MYH10: variants seen among roughly 807,000 people sequenced by gnomAD.
MYH10 encodes myosin heavy chain 10, also known as myosin-10.
A neutral mutation model predicts 257.8 loss-of-function variants in MYH10; 55 were observed. The observed-to-expected ratio is 0.21, with a 90% CI of 0.17 to 0.27. The LOEUF (loss-of-function observed/expected upper bound fraction) is 0.27. Ranked by LOEUF, MYH10 falls within the 10% of genes least tolerant of loss-of-function variation. MYH10 has a pLI of 1.00. For synonymous variants in MYH10, 854 were observed against 921.7 expected (o/e 0.93, Z 1.33); for missense variants, 1,631 against 2,500.6 (o/e 0.65, Z 7.42).
intron 16 of MYH10, among the ~76,000 whole-genome samples, chr17:8,533,826 AG>A (rs1273553116): frequency 6.6e-6 from 1 of 152,166 alleles, no homozygotes; most frequent in African/African-American, 2.4e-5. Context: ...AGACCTTACA[AG>A]GGTATCCAGA....
At chr17:8,612,599 G>A (rs12944908) in intron 2 of MYH10, among the ~76,000 whole-genome samples, 4 of 151,744 alleles carry the variant, frequency 2.6e-5, no homozygotes, top group South Asian at 4.2e-4. Context: ...ACCTGTAATC[G>A]CAGCACTTTG....
chr17:8,535,621 G>A lies in MYH10; in HGVS notation c.1780-120C>T. On this transcript the variant is annotated intron_variant, in intron 15 of 42. Transcript: ENST00000360416. The surrounding 1 kb of genome is among the most constrained non-coding windows in gnomAD (Gnocchi z 4.3). ...CAACAGTCCCCAAAATGGGCTGTCT[G>A]AAAGACAATATGTTTGTAATATATA... 8.1e-7 allele frequency: 1 copy of A among 1,231,518 alleles called. No individual in the cohort carries two copies. The highest frequency in any genetic ancestry group is 1.9e-4 in the Middle Eastern group (1 of 5,136). The allele number at this position is 1,231,518 out of a possible 1,614,324, so 76.3% of individuals were successfully genotyped here.
intron 7 of MYH10, chr17:8,561,291 T>C: frequency 9.4e-7 from 1 of 1,062,002 alleles, no homozygotes; most frequent in Non-Finnish European, 1.4e-6. Context: ...GTGCAGGCTA[T>C]TCGCTGCACT....
rs35801623 is a variant in MYH10, at chr17:8,614,307, C to CTTTTTTTTTT, written c.345+8585_345+8594dup. 7.9e-4 allele frequency among the ~76,000 whole-genome samples: 61 copies of CTTTTTTTTTT among 77,128 alleles called. 7 individuals are homozygous for CTTTTTTTTTT. The highest frequency in any genetic ancestry group is 1.6e-3 in the East Asian group (4 of 2,568). The allele number at this position is 77,128 out of a possible 152,430, so 50.6% of individuals were successfully genotyped here. On this transcript the variant is annotated intron_variant, in intron 2 of 42. Coordinates refer to ENST00000360416, the MANE Select transcript of MYH10 (RefSeq NM_001256012.3). ...GATTTAGAAAGTAAGCAATTCACTT[C>CTTTTTTTTTT]TTTTTTTTTTTTTTTTTTTTTTTTT...
In MYH10 at chr17:8,484,232, T is replaced by G. The variant is rs373565183; in HGVS notation, c.5081A>C (p.Glu1694Ala). The G allele has an allele frequency of 5.6e-6, 9 of 1,612,916 alleles. No individual in the cohort carries two copies. Among genetic ancestry groups the G allele is most frequent in the South Asian group, 3.3e-5 (3 of 90,822 alleles). ...QMKDYQRELE[E>A]ARASRDEIFA... is the part of the protein sequence containing the mutation. Reference sequence around the variant, plus strand: ...AATCTCATCTCTGGATGCACGAGCTTCTTCTAATTCACGTTGGTAATCCTT... The same window carrying G: ...AATCTCATCTCTGGATGCACGAGCTGCTTCTAATTCACGTTGGTAATCCTT... The change falls in exon 37 of 43, where the codon GAA becomes GCA. Residue 1694 changes from glutamate to alanine, a missense_variant. Physicochemically the swap from Glu to Ala is moderately radical, Grantham distance 107. Around this residue, in one of 11 missense-constraint regions of MYH10, gnomAD observed 463 missense variants for 621.8 expected, o/e 0.74. Transcript: ENST00000360416.
In MYH10 at chr17:8,569,948, G is replaced by T; in HGVS notation, c.664-136C>A. 1 of 616,648 alleles carries T rather than the reference G, an allele frequency of 1.6e-6. No individual in the cohort carries two copies. Among genetic ancestry groups the T allele is most frequent in the Non-Finnish European group, 2.6e-6 (1 of 378,830 alleles). 38.2% of individuals were successfully genotyped at this position (616,648 alleles called of 1,614,324 possible). On this transcript the variant is annotated intron_variant, in intron 6 of 42. Coordinates refer to ENST00000360416, the MANE Select transcript of MYH10 (RefSeq NM_001256012.3). This position sits in a 1 kb window ranked among gnomAD's most constrained non-coding sequence, Gnocchi z 4.1. ...GTTCTTTCATTCTGTCTGCCATCCA[G>T]CAACTTTTGTTGGCTTCTTAATCCT...
chr17:8,500,802 A>G, intron 29 of MYH10, 24 bp downstream of exon 29: 1 of 1,607,168 alleles, frequency 6.2e-7, no homozygotes, highest in Non-Finnish European at 8.5e-7. Flanking sequence ...TCCAGGCCAC[A>G]GCACACGGCA....
At chr17:8,531,433 T>A (rs978157782) in intron 16 of MYH10, among the ~76,000 whole-genome samples, 1 of 151,910 alleles carries the variant, frequency 6.6e-6, no homozygotes, top group Non-Finnish European at 1.5e-5. Context: ...ACAACATCTT[T>A]TAGCAAAAAG....
Position 8,504,797 on chromosome 17 carries a change from T to C in MYH10, c.3496A>G (p.Asn1166Asp). ...EDFESEKASR[N>D]KAEKQKRDLS... ...TCCCTTTTCTGCTTTTCGGCCTTGT[T>C]CCGTGAAGCCTTCTCGGATTCAAAG... Residue 1166 changes from asparagine to aspartate, a missense_variant, in exon 28 of 43, where the codon AAC (asparagine) becomes GAC (aspartate). This residue lies in a region of MYH10 where 169 missense variants were observed against 249.8 expected (regional missense o/e 0.68). Coordinates refer to ENST00000360416, the MANE Select transcript of MYH10 (RefSeq NM_001256012.3). The surrounding 1 kb of genome is among the most constrained non-coding windows in gnomAD (Gnocchi z 5.6). 6.2e-7 allele frequency: 1 copy of C among 1,614,202 alleles called. No individual in the cohort carries two copies. Among genetic ancestry groups the C allele is most frequent in the Non-Finnish European group, 8.5e-7 (1 of 1,180,038 alleles).
intron 4 of MYH10, among the ~76,000 whole-genome samples, chr17:8,585,306 A>ATATATATATATATATATATATATATG (rs1555610517): frequency 1.4e-5 from 2 of 141,032 alleles, no homozygotes; most frequent in African/African-American, 5.2e-5. Flanking sequence ...ATATATATAT[A>ATATATATATATATATATATATATATG]GCTACATATG....
At chr17:8,546,809 T>C in intron 11 of MYH10, 147 bp from the exon 12 acceptor site, 1 of 576,038 alleles carries the variant, frequency 1.7e-6, no homozygotes, top group East Asian at 3.0e-5. Flanking sequence ...GTTTTAGGTC[T>C]AATGAAAAAT....
chr17:8,588,524 A>C (rs527473383), intron 4 of MYH10, among the ~76,000 whole-genome samples: 7 of 152,350 alleles, frequency 4.6e-5, no homozygotes, highest in African/African-American at 1.7e-4. Flanking sequence ...AACACCGCTT[A>C]AACGCAACCA....
intron 13 of MYH10, among the ~76,000 whole-genome samples, chr17:8,544,437 G>A (rs1008134134): frequency 2.0e-5 from 3 of 152,126 alleles, no homozygotes; most frequent in Non-Finnish European, 2.9e-5. Context: ...CGTTTATGTA[G>A]AGGAAAGTGA....
intron 3 of MYH10, among the ~76,000 whole-genome samples, chr17:8,602,050 A>G (rs1048581561): frequency 6.7e-6 from 1 of 148,222 alleles, no homozygotes; most frequent in African/African-American, 2.5e-5. Flanking sequence ...ATCTCGGCTC[A>G]CTGCAAACTG....
intron 8 of MYH10, among the ~76,000 whole-genome samples, chr17:8,553,747 G>A (rs577847081): frequency 9.2e-5 from 14 of 152,202 alleles, no homozygotes; most frequent in Non-Finnish European, 1.9e-4. Flanking sequence ...CCCCAGCCAT[G>A]TGAATAAGTT....
At chr17:8,627,533 T>C (rs1350988484) in intron 1 of MYH10, among the ~76,000 whole-genome samples, 1 of 152,228 alleles carries the variant, frequency 6.6e-6, no homozygotes, top group Non-Finnish European at 1.5e-5. Context: ...CCAGAGGGCT[T>C]TGCAGCTGTT....
chr17:8,588,963 G>A (rs1427991615), intron 4 of MYH10, 118 bp downstream of exon 4: 1 of 925,328 alleles, frequency 1.1e-6, no homozygotes, highest in African/African-American at 1.7e-5. Flanking sequence ...ATAACTGCGA[G>A]GTTTACATCA....
At chr17:8,513,181 T>A (rs2081354701) in intron 23 of MYH10, among the ~76,000 whole-genome samples, 1 of 152,214 alleles carries the variant, frequency 6.6e-6, no homozygotes, top group Admixed American at 6.5e-5. Context: ...CTCAAGCATC[T>A]CGTCCTTTGA....
chr17:8,489,745 A>ACCCC (rs1555570911), intron 35 of MYH10, among the ~76,000 whole-genome samples: 37 of 150,700 alleles, frequency 2.5e-4, no homozygotes, highest in African/African-American at 8.9e-4. Context: ...ACACACACAC[A>ACCCC]CCCCAAATCC....
Sources: gnomAD v4.1 joint callset for allele counts (sites outside exome capture counted in the v4.1 genomes callset) on GRCh38, gnomAD v4.1.1 for gene constraint, gnomAD v4.1.1 regional missense constraint, Gnocchi (gnomAD v3.1) non-coding constraint, MANE v1.5 for transcripts, NCBI Gene and HGNC (gene_info 2026-07-23, HGNC 2026-07-21) for gene names.